TMEM44: variants seen among roughly 807,000 people sequenced by gnomAD.
The protein encoded by TMEM44 is transmembrane protein 44.
TMEM44 carries 43 observed loss-of-function variants against 47.8 expected under a neutral mutation model. The observed-to-expected ratio is 0.90, with a 90% CI of 0.70 to 1.16. The LOEUF (loss-of-function observed/expected upper bound fraction) is 1.16. TMEM44 is among the 50% of genes most tolerant of loss of function. The probability of loss-of-function intolerance (pLI) is 0.00; values close to 1 mark genes in which losing one functional copy is unlikely to be tolerated. For missense variants in TMEM44, 568 were observed against 555.2 expected, an observed-to-expected ratio of 1.02 and a Z score of -0.23; for synonymous variants, 277 against 238.8, an observed-to-expected ratio of 1.16 and a Z score of -1.48.
At chr3:194,599,453 G>C (rs886679077) in intron 9 of TMEM44, among the ~76,000 whole-genome samples, 5 of 152,210 alleles carry the variant, frequency 3.3e-5, no homozygotes, top group East Asian at 1.9e-4. Context: ...AAGCAAATAG[G>C]GGGGCATGTC....
Position 194,625,940 on chromosome 3 carries a change from G to T in TMEM44, c.315C>A (p.Phe105Leu). The T allele has an allele frequency of 6.2e-7, 1 of 1,613,852 alleles. No individual in the cohort carries two copies. Among genetic ancestry groups the T allele is most frequent in the South Asian group, 1.1e-5 (1 of 91,046 alleles). The part of the protein sequence containing the change: ...LAAIDLVNFM[F>L]ILFPVCGSKF... ...TGGATCCACAGACTGGGAAGAGAAT[G>T]AACATAAAGTTCACTAAGTCAATAG... The change falls in exon 3 of 10, where the codon TTC (phenylalanine) becomes TTA (leucine). Residue 105 changes from phenylalanine to leucine, a missense_variant. Phe to Leu is a conservative substitution (Grantham distance 22). Coordinates refer to ENST00000347147, the MANE Select transcript of TMEM44 (RefSeq NM_001011655.3).
chr3:194,591,421 G>A (rs954142855), intron 9 of TMEM44, among the ~76,000 whole-genome samples: 6 of 152,162 alleles, frequency 3.9e-5, no homozygotes, highest in Non-Finnish European at 5.9e-5. Flanking sequence ...TTGAACCCCG[G>A]AGGCGGAGGT....
chr3:194,596,372 CAGA>C (rs1214907841), intron 9 of TMEM44, among the ~76,000 whole-genome samples: 1 of 152,178 alleles, frequency 6.6e-6, no homozygotes, highest in African/African-American at 2.4e-5. Context: ...ACTAAGAGTA[CAGA>C]AGTTTTCCAG....
At chr3:194,608,305 C>T (rs1714972090) in intron 8 of TMEM44, among the ~76,000 whole-genome samples, 1 of 152,234 alleles carries the variant, frequency 6.6e-6, no homozygotes, top group African/African-American at 2.4e-5. Flanking sequence ...AGCAAAACCT[C>T]TCTCTCAGCC....
chr3:194,613,709 G>T (rs1457393758), intron 7 of TMEM44, among the ~76,000 whole-genome samples: 2 of 149,896 alleles, frequency 1.3e-5, no homozygotes, highest in Non-Finnish European at 3.0e-5. Flanking sequence ...GGTCAGGCTG[G>T]TCTCGAACTC....
intron 9 of TMEM44, among the ~76,000 whole-genome samples, chr3:194,590,850 G>C (rs948388606): frequency 2.0e-5 from 3 of 152,178 alleles, no homozygotes; most frequent in Non-Finnish European, 2.9e-5. Context: ...ACCGTGACCA[G>C]TTCAGCAGCC....
At chr3:194,593,842 G>T (rs1713048217) in intron 9 of TMEM44, among the ~76,000 whole-genome samples, 1 of 152,084 alleles carries the variant, frequency 6.6e-6, no homozygotes, top group Admixed American at 6.5e-5. Flanking sequence ...AGAGGGGCTT[G>T]CTCTGTCGCC....
intron 3 of TMEM44, 88 bp from the exon 4 acceptor site, chr3:194,623,783 C>A: frequency 6.5e-7 from 1 of 1,544,252 alleles, no homozygotes; most frequent in African/African-American, 1.4e-5. Context: ...GGTGTCAGCT[C>A]CCCACATGAT....
intron 9 of TMEM44, among the ~76,000 whole-genome samples, chr3:194,599,603 G>C (rs1444018543): frequency 1.9e-5 from 1 of 53,728 alleles, no homozygotes; most frequent in South Asian, 5.0e-4. Flanking sequence ...TTTTTTTTTT[G>C]AGACAGAGTC....
At chr3:194,601,089 G>C (rs769214531) in intron 9 of TMEM44, among the ~76,000 whole-genome samples, 1 of 151,702 alleles carries the variant, frequency 6.6e-6, no homozygotes, top group Non-Finnish European at 1.5e-5. Flanking sequence ...GGGCAAAAGC[G>C]TTCATTTCCA....
intron 5 of TMEM44, among the ~76,000 whole-genome samples, chr3:194,618,785 A>G (rs1716220890): frequency 6.6e-6 from 1 of 152,164 alleles, no homozygotes; most frequent in African/African-American, 2.4e-5. Context: ...TTAATTCTCA[A>G]AAAGAATCCT....
intron 5 of TMEM44, among the ~76,000 whole-genome samples, chr3:194,621,160 T>C (rs1479746118): frequency 6.6e-6 from 1 of 151,792 alleles, no homozygotes; most frequent in Non-Finnish European, 1.5e-5. Context: ...AATGTCCTTA[T>C]AAAAAGGAGC....
intron 8 of TMEM44, among the ~76,000 whole-genome samples, chr3:194,609,585 G>A (rs989593528): frequency 6.6e-6 from 1 of 152,066 alleles, no homozygotes; most frequent in Non-Finnish European, 1.5e-5. Flanking sequence ...TGGGACATGG[G>A]GTGAACTTCT....
intron 6 of TMEM44, 141 bp downstream of exon 6, chr3:194,616,958 C>T: frequency 1.1e-6 from 1 of 933,902 alleles, no homozygotes. Context: ...TTTGCCTGCC[C>T]CAAGCTTCAA....
At chr3:194,616,059 T>C (rs59336634) in intron 6 of TMEM44, among the ~76,000 whole-genome samples, 14,542 of 142,678 alleles carry the variant, frequency 0.1, 1,058 homozygotes, top group East Asian at 0.29. Context: ...TGTGACCCCC[T>C]TTTTTTTTTT....
At chr3:194,608,165 T>C (rs1301926978) in intron 8 of TMEM44, among the ~76,000 whole-genome samples, 3 of 152,208 alleles carry the variant, frequency 2.0e-5, no homozygotes, top group Non-Finnish European at 4.4e-5. Context: ...CCTCCCTCCC[T>C]TCGGAAGGAT....
intron 5 of TMEM44, chr3:194,617,664 G>A (rs1472501054): frequency 1.4e-5 from 10 of 704,086 alleles, no homozygotes; most frequent in Middle Eastern, 4.6e-4. Context: ...CTGACGCTGG[G>A]CAGCGGCTCG....
In TMEM44 at chr3:194,588,630, C is replaced by T. The variant is rs777678143; in HGVS notation, c.1186G>A (p.Glu396Lys). Residue 396 changes from glutamate to lysine, a missense_variant, in exon 10 of 10, where the codon GAA becomes AAA. Glu to Lys is a moderately conservative substitution (Grantham distance 56). Coordinates refer to ENST00000347147, the MANE Select transcript of TMEM44 (RefSeq NM_001011655.3). ...SINSDLEWDP[E>K]DVNLEGSKEN... ...TTGCTGCCTTCGAGGTTCACATCTT[C>T]AGGGTCCCACTATGGAGAAAAGATG... 12 of 1,614,160 alleles carry T rather than the reference C, an allele frequency of 7.4e-6. No individual in the cohort carries two copies. Among genetic ancestry groups the T allele is most frequent in the Non-Finnish European group, 9.3e-6 (11 of 1,180,034 alleles).
At chr3:194,622,210 C>T (rs1037715162) in intron 5 of TMEM44, among the ~76,000 whole-genome samples, 4 of 152,226 alleles carry the variant, frequency 2.6e-5, no homozygotes, top group African/African-American at 9.6e-5. Flanking sequence ...TCTCCTCTGC[C>T]GATGGCCTTT....
Sources: allele counts gnomAD v4.1 joint callset (sites outside exome capture counted in the v4.1 genomes callset), GRCh38; gene constraint gnomAD v4.1.1; transcripts MANE v1.5; gene names NCBI Gene and HGNC (gene_info 2026-07-23, HGNC 2026-07-21).